Variants in ALK observed in about 807,000 individuals in gnomAD.
The protein encoded by ALK is ALK receptor tyrosine kinase, also known as ALK tyrosine kinase receptor.
A neutral mutation model predicts 163.1 loss-of-function variants in ALK; 74 were observed. The observed-to-expected ratio is 0.45, with a 90% confidence interval of 0.38 to 0.55. ALK has a LOEUF of 0.55. ALK is among the 20% of genes least tolerant of loss of function. The pLI is 0.00. For synonymous variants in ALK, 960 were observed against 843.2 expected, an observed-to-expected ratio of 1.14 and a Z score of -2.40; for missense variants, 2,063 against 2,105.3, an observed-to-expected ratio of 0.98 and a Z score of 0.39.
Position 29,831,226 on chromosome 2 carries a change from A to AGAG in ALK, c.667+88766_667+88767insCTC, listed in dbSNP as rs1307966826. Among the ~76,000 whole-genome samples the AGAG allele has an allele frequency of 1.6e-4, 12 of 76,322 alleles. 1 individual carries two copies. Among genetic ancestry groups the AGAG allele is most frequent in the Non-Finnish European group, 3.0e-4 (12 of 39,668 alleles). 50.1% of individuals were successfully genotyped at this position (76,322 alleles called of 152,430 possible). On this transcript the variant is annotated intron_variant, in intron 1 of 28. Coordinates refer to ENST00000389048, the MANE Select transcript of ALK (RefSeq NM_004304.5). ...AAGGGGAAGAGGAAGAGGAAGAGGA[A>AGAG]GAAGAAGAGGAAGAAGAAGAGGAAG...
intron 3 of ALK, among the ~76,000 whole-genome samples, chr2:29,657,578 G>C (rs935098963): frequency 1.3e-5 from 2 of 152,144 alleles, no homozygotes; most frequent in Non-Finnish European, 2.9e-5. Context: ...ACAAAGGCCT[G>C]AATTAACAAA....
intron 3 of ALK, among the ~76,000 whole-genome samples, chr2:29,676,033 T>C (rs1383815130): frequency 2.0e-5 from 3 of 152,046 alleles, no homozygotes; most frequent in Non-Finnish European, 2.9e-5. Flanking sequence ...GCCTGAATCT[T>C]ATTTTTTAAT....
At chr2:29,670,514 T>G (rs975600169) in intron 3 of ALK, among the ~76,000 whole-genome samples, 16 of 152,026 alleles carry the variant, frequency 1.1e-4, no homozygotes, top group Non-Finnish European at 4.4e-5. Context: ...TTGGGTTGAT[T>G]CTGGTGTTCA....
intron 1 of ALK, among the ~76,000 whole-genome samples, chr2:29,777,240 A>G (rs17008686): frequency 0.048 from 7,304 of 152,232 alleles, 399 homozygotes; most frequent in African/African-American, 0.13. Flanking sequence ...CTATTTTGCA[A>G]TGTACTATTA....
intron 2 of ALK, among the ~76,000 whole-genome samples, chr2:29,713,590 G>T (rs973585629): frequency 6.6e-6 from 1 of 152,124 alleles, no homozygotes; most frequent in African/African-American, 2.4e-5. Flanking sequence ...TGCTCTCCAG[G>T]CAGGGAAAGC....
chr2:29,357,917 G>T (rs1668290674), intron 5 of ALK, among the ~76,000 whole-genome samples: 1 of 152,150 alleles, frequency 6.6e-6, no homozygotes, highest in Non-Finnish European at 1.5e-5. Context: ...GCCCTTTCCT[G>T]GGTCAAAAGT....
At chr2:29,433,721 A>G (rs1281739478) in intron 4 of ALK, among the ~76,000 whole-genome samples, 2 of 152,176 alleles carry the variant, frequency 1.3e-5, no homozygotes, top group Non-Finnish European at 2.9e-5. Flanking sequence ...TCAACTTAAA[A>G]AAAAAAAAAT....
intron 4 of ALK, among the ~76,000 whole-genome samples, chr2:29,438,457 A>T (rs913605462): frequency 6.6e-6 from 1 of 152,392 alleles, no homozygotes; most frequent in African/African-American, 2.4e-5. Flanking sequence ...GCACCATGAC[A>T]TAGGAAAAAC....
At chr2:29,840,379 C>T (rs1665667971) in intron 1 of ALK, among the ~76,000 whole-genome samples, 1 of 152,138 alleles carries the variant, frequency 6.6e-6, no homozygotes. Context: ...AATGTGGATT[C>T]CTAGAACTTC....
At chr2:29,847,370 G>C (rs1166232731) in intron 1 of ALK, among the ~76,000 whole-genome samples, 1 of 152,112 alleles carries the variant, frequency 6.6e-6, no homozygotes, top group African/African-American at 2.4e-5. Context: ...CCAAGGAGTT[G>C]AACAAATGCC....
chr2:29,443,267 G>C (rs1423918727), intron 4 of ALK, among the ~76,000 whole-genome samples: 1 of 152,200 alleles, frequency 6.6e-6, no homozygotes, highest in Non-Finnish European at 1.5e-5. Context: ...AGGTGTCCCT[G>C]AGAATGCAAA....
chr2:29,771,240 T>C (rs1234069205), intron 1 of ALK, among the ~76,000 whole-genome samples: 5 of 151,512 alleles, frequency 3.3e-5, no homozygotes, highest in African/African-American at 9.7e-5. Context: ...CACAAAACAA[T>C]TCAAAAAAAT....
chr2:29,382,701 C>G (rs1207298877), intron 5 of ALK, among the ~76,000 whole-genome samples: 9 of 152,194 alleles, frequency 5.9e-5, no homozygotes, highest in Non-Finnish European at 1.2e-4. Flanking sequence ...AACATTTGTA[C>G]AAGCTCCTGG....
intron 7 of ALK, among the ~76,000 whole-genome samples, chr2:29,318,629 C>T (rs553068710): frequency 8.2e-4 from 124 of 151,296 alleles, no homozygotes; most frequent in African/African-American, 2.8e-3. Flanking sequence ...TGCAGTGGCG[C>T]GATCTTGGCT....
At chr2:29,225,075 G>T (rs1663909543) in intron 19 of ALK, among the ~76,000 whole-genome samples, 1 of 152,194 alleles carries the variant, frequency 6.6e-6, no homozygotes, top group Admixed American at 6.5e-5. Flanking sequence ...GGAAGAGTGG[G>T]CTAGTGCATT....
chr2:29,613,611 A>G (rs978245845), intron 3 of ALK, among the ~76,000 whole-genome samples: 3 of 152,174 alleles, frequency 2.0e-5, no homozygotes, highest in African/African-American at 7.2e-5. Flanking sequence ...CAAGCACTTC[A>G]CACATCTATA....
chr2:29,421,052 C>T (rs1002737870), intron 4 of ALK, among the ~76,000 whole-genome samples: 3 of 151,476 alleles, frequency 2.0e-5, no homozygotes, highest in Non-Finnish European at 4.4e-5. Context: ...ACGTTCATCC[C>T]AGGGCAGCTG....
chr2:29,644,575 T>A (rs1676819311), intron 3 of ALK, among the ~76,000 whole-genome samples: 1 of 71,452 alleles, frequency 1.4e-5, no homozygotes. Context: ...AGGTTTTTTT[T>A]TCCCCCCACT....
chr2:29,512,039 ATT>A (rs149056311), intron 4 of ALK, among the ~76,000 whole-genome samples: 2 of 151,952 alleles, frequency 1.3e-5, no homozygotes, highest in Non-Finnish European at 2.9e-5. Context: ...TCTTTTGAAT[ATT>A]TAAAAGTTTT....
Sources: allele counts gnomAD v4.1 joint callset (sites outside exome capture counted in the v4.1 genomes callset), GRCh38; gene constraint gnomAD v4.1.1; transcripts MANE v1.5; gene names NCBI Gene and HGNC (gene_info 2026-07-23, HGNC 2026-07-21).